The following ZCCHC10 variants were observed in gnomAD, a reference collection of about 807,000 sequenced individuals.
ZCCHC10 encodes zinc finger CCHC-type containing 10, also known as zinc finger CCHC domain-containing protein 10.
In ZCCHC10, 16 loss-of-function variants were observed where a neutral mutation model predicts 19.5. That is an observed-to-expected ratio of 0.82 (90% CI 0.56 to 1.25). The LOEUF (loss-of-function observed/expected upper bound fraction) is 1.25. Ranked by LOEUF, ZCCHC10 falls within the 50% of genes most tolerant of loss-of-function variation. The pLI is 0.00. For missense variants in ZCCHC10, 197 were observed against 201.0 expected (o/e 0.98, Z 0.12); for synonymous variants, 67 against 72.5 (o/e 0.92, Z 0.38).
intron 2 of ZCCHC10, among the ~76,000 whole-genome samples, chr5:133,007,809 C>T (rs1763223328): frequency 6.6e-6 from 1 of 152,148 alleles, no homozygotes; most frequent in Non-Finnish European, 1.5e-5. Flanking sequence ...AGTTAAGATA[C>T]AGTTGAATTC....
At chr5:133,009,733 A>G (rs1763374036) in intron 2 of ZCCHC10, among the ~76,000 whole-genome samples, 1 of 152,034 alleles carries the variant, frequency 6.6e-6, no homozygotes, top group Non-Finnish European at 1.5e-5. Flanking sequence ...AGCATCACAT[A>G]TTACAAGCTA....
chr5:133,014,844 C>A (rs756840462), intron 2 of ZCCHC10, among the ~76,000 whole-genome samples: 1 of 152,164 alleles, frequency 6.6e-6, no homozygotes, highest in Non-Finnish European at 1.5e-5. Context: ...TGGTATAATG[C>A]GTGATTACAC....
intron 2 of ZCCHC10, among the ~76,000 whole-genome samples, chr5:133,011,624 T>TA (rs1194165056): frequency 0.12 from 5,190 of 44,368 alleles, 706 homozygotes; most frequent in African/African-American, 0.3. Flanking sequence ...AGACTCCATC[T>TA]AAAAAAAAAA....
chr5:133,007,625 G>A lies in ZCCHC10; in HGVS notation c.108-705C>T, dbSNP rs200598565. Among the ~76,000 whole-genome samples the A allele has an allele frequency of 1.1e-4, 16 of 151,960 alleles. No individual in the cohort carries two copies. In the East Asian group the frequency reaches 1.7e-3, roughly 17 times the overall value. On this transcript the variant is annotated intron_variant, in intron 2 of 4. Coordinates refer to ENST00000509437, the MANE Select transcript of ZCCHC10 (RefSeq NM_001300816.3). Reference sequence around the variant, plus strand: ...TTTCTTGCTGCCGTCCATGTAAGATGTGACTTGTTCCTCCTTGCCTTCTGC... The same window carrying A: ...TTTCTTGCTGCCGTCCATGTAAGATATGACTTGTTCCTCCTTGCCTTCTGC...
rs370510509 is a variant in ZCCHC10, at chr5:133,000,176, G to A, written c.270-3C>T. On this transcript the variant is annotated splice_region_variant and splice_polypyrimidine_tract_variant and intron_variant, in intron 3 of 4. Transcript: ENST00000509437. ...TTTCTACATTGGTTTCTCCAATGCT[G>A]ATAAACACGAGGGGGAAAAAAGCTC... The A allele has an allele frequency of 6.2e-7, 1 of 1,613,420 alleles. No individual in the cohort carries two copies.
At chr5:132,999,262 T>C (rs944866658) in intron 4 of ZCCHC10, among the ~76,000 whole-genome samples, 3 of 152,206 alleles carry the variant, frequency 2.0e-5, no homozygotes, top group Admixed American at 6.5e-5. Flanking sequence ...TGCTTATATA[T>C]TGAAGCTTTG....
At chr5:133,009,038 A>G (rs1001838127) in intron 2 of ZCCHC10, among the ~76,000 whole-genome samples, 9 of 149,958 alleles carry the variant, frequency 6.0e-5, no homozygotes, top group African/African-American at 2.2e-4. Flanking sequence ...ATGAAGTCTC[A>G]CTCTGTTGCC....
intron 2 of ZCCHC10, among the ~76,000 whole-genome samples, chr5:133,008,946 G>A (rs932018008): frequency 6.6e-6 from 1 of 152,100 alleles, no homozygotes; most frequent in Non-Finnish European, 1.5e-5. Flanking sequence ...CCAGGAGTTT[G>A]AGGCTACAGT....
chr5:133,016,001 C>CA (rs1409829371), intron 2 of ZCCHC10, among the ~76,000 whole-genome samples: 1 of 152,154 alleles, frequency 6.6e-6, no homozygotes. Context: ...GTCTGAGGCT[C>CA]AAATTGTCAC....
At chr5:133,004,590 G>A (rs1581382811) in intron 3 of ZCCHC10, among the ~76,000 whole-genome samples, 2 of 152,124 alleles carry the variant, frequency 1.3e-5, no homozygotes, top group African/African-American at 2.4e-5. Context: ...CCGGGTTCAC[G>A]CCATTCTCCT....
chr5:133,003,577 G>A (rs537432320), intron 3 of ZCCHC10, among the ~76,000 whole-genome samples: 2 of 152,024 alleles, frequency 1.3e-5, no homozygotes, highest in African/African-American at 2.4e-5. Flanking sequence ...GCTGTTCTTA[G>A]ACTTCTGGCC....
In ZCCHC10 at chr5:133,022,835, G is replaced by A; in HGVS notation, c.107+6C>T. 5.1e-6 allele frequency: 3 copies of A among 583,294 alleles called. No individual in the cohort carries two copies. Among genetic ancestry groups the A allele is most frequent in the South Asian group, 2.1e-5 (1 of 47,148 alleles). The allele number at this position is 583,294 out of a possible 1,614,324, so 36.1% of individuals were successfully genotyped here. A position where few individuals can be genotyped will look rare whatever the true frequency, so the allele number is the denominator to read the frequency against. The stretch of plus-strand genomic sequence containing the variant: ...CCTGCAGTTGACACAAAGCTGAGAG[G>A]GATACCTAATAACGATGGATGGCTG... On this transcript the variant is annotated splice_donor_region_variant and intron_variant, in intron 2 of 4. Transcript: ENST00000509437.
chr5:133,014,154 C>CTTTT (rs767551153), intron 2 of ZCCHC10, among the ~76,000 whole-genome samples: 8 of 113,074 alleles, frequency 7.1e-5, no homozygotes, highest in Non-Finnish European at 1.0e-4. Context: ...ACTATTTACT[C>CTTTT]TTTTTTTTTT....
Position 133,021,147 on chromosome 5 carries a change from C to T in ZCCHC10, c.107+1694G>A, listed in dbSNP as rs140230591. On this transcript the variant is annotated intron_variant, in intron 2 of 4. Coordinates refer to ENST00000509437, the MANE Select transcript of ZCCHC10 (RefSeq NM_001300816.3). ...TTTTGACCTCGTGATCCGCCCGCCT[C>T]GGCCTCCCAAAGTGCTGGATTACAG... 5.8e-3 allele frequency among the ~76,000 whole-genome samples: 889 copies of T among 152,252 alleles called. 11 individuals are homozygous for T. The highest frequency in any genetic ancestry group is 0.02 in the African/African-American group (835 of 41,554).
At chr5:133,015,280 T>C (rs931775806) in intron 2 of ZCCHC10, among the ~76,000 whole-genome samples, 4 of 152,208 alleles carry the variant, frequency 2.6e-5, no homozygotes, top group Middle Eastern at 3.4e-3. Context: ...GGTTTCACCA[T>C]GTTGGCCAGG....
chr5:133,017,352 A>G (rs1763992487), intron 2 of ZCCHC10, among the ~76,000 whole-genome samples: 1 of 151,258 alleles, frequency 6.6e-6, no homozygotes, highest in Non-Finnish European at 1.5e-5. Flanking sequence ...AAGAACTATA[A>G]AAATGTCCAT....
chr5:133,003,366 A>C lies in ZCCHC10; in HGVS notation c.270-3193T>G, dbSNP rs530021051. 8.3e-4 allele frequency: 291 copies of C among 348,712 alleles called. 1 individual carries two copies. Among genetic ancestry groups the C allele is most frequent in the Non-Finnish European group, 1.4e-3 (246 of 173,226 alleles). 21.6% of individuals were successfully genotyped at this position (348,712 alleles called of 1,614,324 possible). A position where few individuals can be genotyped will look rare whatever the true frequency, so the allele number is the denominator to read the frequency against. On this transcript the variant is annotated intron_variant, in intron 3 of 4. Coordinates refer to ENST00000509437, the MANE Select transcript of ZCCHC10 (RefSeq NM_001300816.3). ...GAAGAAAGAAGGTTCAGATTTCTAA[A>C]TGAAATGTTTTACTATAAAGCTCCT... is the stretch of plus-strand genomic sequence containing the variant.
chr5:133,022,513 G>A (rs1212070688), intron 2 of ZCCHC10, among the ~76,000 whole-genome samples: 1 of 151,560 alleles, frequency 6.6e-6, no homozygotes, highest in Admixed American at 6.6e-5. Flanking sequence ...GACTGCAGTG[G>A]CGAGATCTCG....
chr5:133,018,041 A>T (rs1031015606), intron 2 of ZCCHC10, among the ~76,000 whole-genome samples: 4 of 150,850 alleles, frequency 2.7e-5, no homozygotes, highest in African/African-American at 9.7e-5. Context: ...ACTGCGTGGG[A>T]GGCTGAGGCC....
Sources: gnomAD v4.1 joint callset for allele counts (sites outside exome capture counted in the v4.1 genomes callset) on GRCh38, gnomAD v4.1.1 for gene constraint, MANE v1.5 for transcripts, NCBI Gene and HGNC (gene_info 2026-07-23, HGNC 2026-07-21) for gene names.